Variants in PSMD1 observed in about 807,000 individuals in gnomAD.
PSMD1 encodes the protein proteasome 26S subunit, non-ATPase 1.
In PSMD1, 18 loss-of-function variants were observed where a neutral mutation model predicts 119.0. The observed-to-expected ratio is 0.15, with a 90% CI of 0.10 to 0.22. The LOEUF (loss-of-function observed/expected upper bound fraction) is 0.22, where lower values mean the gene tolerates loss of function less well. PSMD1 is among the 10% of genes least tolerant of loss of function. PSMD1 has a pLI of 1.00. For missense variants in PSMD1, 702 were observed against 1,158.5 expected (o/e 0.61, Z 5.72); for synonymous variants, 374 against 396.6 (o/e 0.94, Z 0.68).
intron 15 of PSMD1, 68 bp from the exon 16 acceptor site, chr2:231,087,049 C>T: frequency 7.7e-7 from 1 of 1,300,746 alleles, no homozygotes; most frequent in South Asian, 1.2e-5. Context: ...ATGATGCTGA[C>T]CTCTCATGTC....
At chr2:231,076,907 A>G in intron 8 of PSMD1, 127 bp from the exon 9 acceptor site, 1 of 771,678 alleles carries the variant, frequency 1.3e-6, no homozygotes, top group Non-Finnish European at 1.9e-6. Flanking sequence ...AAAGAAAGAA[A>G]TAAATTATCC....
chr2:231,092,330 G>A (rs1694616497), intron 16 of PSMD1, among the ~76,000 whole-genome samples: 3 of 152,112 alleles, frequency 2.0e-5, no homozygotes, highest in Admixed American at 1.3e-4. Flanking sequence ...CCTGCACTCG[G>A]GTCACAAACG....
intron 16 of PSMD1, among the ~76,000 whole-genome samples, chr2:231,125,338 C>G (rs137865852): frequency 5.0e-4 from 76 of 152,292 alleles, no homozygotes; most frequent in African/African-American, 1.8e-3. Context: ...TAAGCCTGAG[C>G]TGTTTTTCAC....
chr2:231,077,553 CA>C (rs1002352947), intron 9 of PSMD1, among the ~76,000 whole-genome samples: 19 of 145,770 alleles, frequency 1.3e-4, no homozygotes, highest in South Asian at 2.2e-4. Context: ...TCTTTTATTA[CA>C]AAAAAAAAAG....
chr2:231,111,524 T>G (rs1378776007), intron 16 of PSMD1, among the ~76,000 whole-genome samples: 2 of 152,244 alleles, frequency 1.3e-5, no homozygotes, highest in Non-Finnish European at 2.9e-5. Flanking sequence ...TATTATACTT[T>G]CTGTTGCCAG....
chr2:231,146,612 G>C (rs1178784661), intron 18 of PSMD1, among the ~76,000 whole-genome samples: 4 of 152,106 alleles, frequency 2.6e-5, no homozygotes, highest in African/African-American at 4.8e-5. Context: ...AACTCTTGGG[G>C]TGTTAAAACC....
chr2:231,076,755 T>A (rs557210277), intron 8 of PSMD1, among the ~76,000 whole-genome samples: 1 of 152,348 alleles, frequency 6.6e-6, no homozygotes, highest in African/African-American at 2.4e-5. Flanking sequence ...ACTCATTTAA[T>A]AAAAAGTAAT....
intron 18 of PSMD1, 75 bp downstream of exon 18, chr2:231,146,431 C>T (rs933610911): frequency 6.2e-6 from 7 of 1,123,422 alleles, no homozygotes; most frequent in African/African-American, 1.6e-5. Context: ...CTTTTGAGGA[C>T]GTTTTTTAGT....
intron 11 of PSMD1, among the ~76,000 whole-genome samples, chr2:231,079,835 G>A (rs2125169564): frequency 6.6e-6 from 1 of 152,250 alleles, no homozygotes; most frequent in Non-Finnish European, 1.5e-5. Flanking sequence ...GACTGTGTAA[G>A]CCATTGAAAG....
At chr2:231,083,503 G>A (rs1694363620) in intron 13 of PSMD1, 64 bp from the exon 14 acceptor site, 1 of 1,543,660 alleles carries the variant, frequency 6.5e-7, no homozygotes, top group Non-Finnish European at 8.9e-7. Flanking sequence ...GCTACTTTCA[G>A]TTGGATGTTT....
chr2:231,093,107 G>T (rs940424112), intron 16 of PSMD1, among the ~76,000 whole-genome samples: 3 of 152,146 alleles, frequency 2.0e-5, no homozygotes, highest in Non-Finnish European at 4.4e-5. Context: ...CAGGGCAAAA[G>T]AAAAGCAGAT....
chr2:231,115,161 G>A (rs555816688), intron 16 of PSMD1, among the ~76,000 whole-genome samples: 110 of 152,090 alleles, frequency 7.2e-4, no homozygotes, highest in Admixed American at 1.2e-3. Context: ...TAAGGAGCCT[G>A]GGGGTGGAGA....
At chr2:231,110,593 C>CT (rs1313519699) in intron 16 of PSMD1, among the ~76,000 whole-genome samples, 4 of 152,162 alleles carry the variant, frequency 2.6e-5, no homozygotes, top group Non-Finnish European at 5.9e-5. Context: ...TTTATGGTAG[C>CT]TAAAGAGCCA....
intron 16 of PSMD1, among the ~76,000 whole-genome samples, chr2:231,125,425 A>G (rs1461130050): frequency 1.3e-5 from 2 of 152,210 alleles, no homozygotes; most frequent in Non-Finnish European, 2.9e-5. Flanking sequence ...TTAAAAGCCT[A>G]TAGTGATTTC....
chr2:231,102,257 A>G lies in PSMD1; in HGVS notation c.1883+15076A>G, dbSNP rs559804944. ...AGTTCGTGTGACTCACTTTACTGCT[A>G]TACTCTCTTTATTGTAGTAGTCTAG... On this transcript the variant is annotated intron_variant, in intron 16 of 24. Transcript: ENST00000308696. 2.0e-5 allele frequency among the ~76,000 whole-genome samples: 3 copies of G among 152,328 alleles called. No individual in the cohort carries two copies. In the South Asian group the frequency reaches 6.2e-4, roughly 32 times the overall value.
Position 231,066,917 on chromosome 2 carries a change from G to T in PSMD1, c.316G>T (p.Asp106Tyr). 1.3e-6 allele frequency: 2 copies of T among 1,599,058 alleles called. No individual in the cohort carries two copies. Among genetic ancestry groups the T allele is most frequent in the South Asian group, 2.3e-5 (2 of 87,752 alleles). Residue 106 changes from aspartate (D) to tyrosine (Y), a missense_variant, in exon 5 of 25, where the codon GAT becomes TAT. Asp to Tyr is a radical substitution (Grantham distance 160). Coordinates refer to ENST00000308696, the MANE Select transcript of PSMD1 (RefSeq NM_002807.4). ...YVETIIAKCI[D>Y]HYTKQCVENA... ...TATTTCCTCAACAGCAAAATGCATT[G>T]ATCACTACACCAAACAATGTGTGGA...
chr2:231,091,123 A>G (rs866093538), intron 16 of PSMD1, among the ~76,000 whole-genome samples: 1 of 152,198 alleles, frequency 6.6e-6, no homozygotes, highest in Non-Finnish European at 1.5e-5. Flanking sequence ...AGCCGCCTCT[A>G]TAAGCCAGAG....
At chr2:231,115,553 C>G (rs949494805) in intron 16 of PSMD1, among the ~76,000 whole-genome samples, 1 of 152,084 alleles carries the variant, frequency 6.6e-6, no homozygotes, top group Non-Finnish European at 1.5e-5. Context: ...TCATACTTTT[C>G]AGTGTATTAC....
Position 231,151,585 on chromosome 2 carries a change from C to T in PSMD1, c.2116-1979C>T, listed in dbSNP as rs148887930. 5.4e-3 allele frequency among the ~76,000 whole-genome samples: 822 copies of T among 152,090 alleles called. 5 individuals carry two copies. The highest frequency in any genetic ancestry group is 9.6e-3 in the Non-Finnish European group (649 of 67,958). On this transcript the variant is annotated intron_variant, in intron 18 of 24. Transcript: ENST00000308696. ...TTTGTCAGTTTTACTGAATGCTTTTCTATTGTTTTGGGTACAATTTTAAAT... is the reference window on the plus strand; with the variant it reads ...TTTGTCAGTTTTACTGAATGCTTTTTTATTGTTTTGGGTACAATTTTAAAT...
Sources: allele counts gnomAD v4.1 joint callset (sites outside exome capture counted in the v4.1 genomes callset), GRCh38; gene constraint gnomAD v4.1.1; transcripts MANE v1.5; gene names NCBI Gene and HGNC (gene_info 2026-07-23, HGNC 2026-07-21).